The following PMEPA1 variants were observed in gnomAD, a reference collection of about 807,000 sequenced individuals.
PMEPA1 encodes protein TMEPAI.
In PMEPA1, 11 loss-of-function variants were observed where a neutral mutation model predicts 23.0. That is an observed-to-expected ratio of 0.48 (90% CI 0.30 to 0.79). PMEPA1 has a LOEUF of 0.79. PMEPA1 is among the 30% of genes least tolerant of loss of function. The pLI, the probability that PMEPA1 is intolerant of heterozygous loss-of-function variation, is 0.06. For synonymous variants in PMEPA1, 204 were observed against 166.4 expected (o/e 1.23, Z -1.74); for missense variants, 377 against 390.9 (o/e 0.96, Z 0.30).
upstream of PMEPA1, chr20:57,710,116 G>T (rs2072153013): frequency 1.2e-6 from 1 of 839,420 alleles, no homozygotes; most frequent in Non-Finnish European, 1.5e-6. Flanking sequence ...CCCCCTCCCC[G>T]AGCCGGGGGG....
intron 1 of PMEPA1, among the ~76,000 whole-genome samples, chr20:57,661,366 C>T (rs896401003): frequency 9.2e-5 from 14 of 152,188 alleles, no homozygotes; most frequent in Admixed American, 2.0e-4. Flanking sequence ...GCAGAGTGGG[C>T]ACCAGCCGGC....
chr20:57,658,094 G>A (rs1008347749), intron 2 of PMEPA1, among the ~76,000 whole-genome samples: 10 of 152,232 alleles, frequency 6.6e-5, no homozygotes, highest in African/African-American at 9.6e-5. Flanking sequence ...GGCTTCAGGC[G>A]GCCGACATGG....
intron 1 of PMEPA1, among the ~76,000 whole-genome samples, chr20:57,673,458 A>C (rs924889862): frequency 6.6e-6 from 1 of 151,328 alleles, no homozygotes; most frequent in African/African-American, 2.4e-5. Context: ...TGGTGTGGCC[A>C]CTCTGTCAGA....
At chr20:57,699,342 C>T (rs2071981487) in intron 1 of PMEPA1, among the ~76,000 whole-genome samples, 1 of 152,240 alleles carries the variant, frequency 6.6e-6, no homozygotes, top group Non-Finnish European at 1.5e-5. Context: ...TGAGCATCTA[C>T]TAGGAATTAG....
rs985708301 is a variant in PMEPA1 at position 57,652,040 on chromosome 20, C to A, written c.*13G>T. On this transcript the variant is annotated 3_prime_UTR_variant, in exon 4 of 4. Coordinates refer to ENST00000341744, the MANE Select transcript of PMEPA1 (RefSeq NM_020182.5). The surrounding 1 kb of genome is among the most constrained non-coding windows in gnomAD (Gnocchi z 6.1). ...TTCACCTACGCAGCCCCAGCCCGGC[C>A]CCCCTGGGGACCCTAGAGAGGGTGT... 20 of 1,461,188 alleles carry A rather than the reference C, an allele frequency of 1.4e-5. No individual in the cohort carries two copies. Among genetic ancestry groups the A allele is most frequent in the Non-Finnish European group, 1.6e-5 (18 of 1,102,592 alleles). The allele number at this position is 1,461,188 out of a possible 1,614,324, so 90.5% of individuals were successfully genotyped here.
intron 1 of PMEPA1, among the ~76,000 whole-genome samples, chr20:57,697,099 C>T (rs947339479): frequency 6.6e-6 from 1 of 152,142 alleles, no homozygotes. Context: ...GAAGGAACTG[C>T]CTTGGGACTC....
chr20:57,687,252 C>G (rs1386922658), intron 1 of PMEPA1, among the ~76,000 whole-genome samples: 1 of 152,246 alleles, frequency 6.6e-6, no homozygotes, highest in Non-Finnish European at 1.5e-5. Context: ...TCCAGGTGAT[C>G]TCCTGTGCCT....
rs377379857 is a variant in PMEPA1 at position 57,649,667 on chromosome 20, C to T, written c.*2386G>A. 2 of 152,214 alleles carry T rather than the reference C, an allele frequency of 1.3e-5. No homozygotes were observed. The highest frequency in any genetic ancestry group is 2.9e-5 in the Non-Finnish European group (2 of 68,052). The allele number at this position is 152,214 out of a possible 1,614,324, so 9.4% of individuals were successfully genotyped here. A position where few individuals can be genotyped will look rare whatever the true frequency, so the allele number is the denominator to read the frequency against. ...CTAGGTTTTCAGCCTAGATGGGAGT[C>T]GTGTACAAACCTTGGCAAAAAAAGG... On this transcript the variant is annotated 3_prime_UTR_variant, in exon 4 of 4. Coordinates refer to ENST00000341744, the MANE Select transcript of PMEPA1 (RefSeq NM_020182.5).
At chr20:57,670,712 G>C (rs1182977253) in intron 1 of PMEPA1, among the ~76,000 whole-genome samples, 1 of 152,220 alleles carries the variant, frequency 6.6e-6, no homozygotes, top group Non-Finnish European at 1.5e-5. Context: ...GGATTTCAGA[G>C]ATCAATGAAC....
intron 1 of PMEPA1, among the ~76,000 whole-genome samples, chr20:57,681,180 GAGGC>G (rs1197524141): frequency 6.6e-6 from 1 of 152,190 alleles, no homozygotes; most frequent in Non-Finnish European, 1.5e-5. Flanking sequence ...GGGCAGGGGT[GAGGC>G]AGGCGCCCAT....
chr20:57,658,860 A>G (rs1268664356), intron 2 of PMEPA1, among the ~76,000 whole-genome samples: 1 of 152,192 alleles, frequency 6.6e-6, no homozygotes, highest in East Asian at 1.9e-4. Context: ...GCAGGACTGC[A>G]GGCACCTTTC....
intron 1 of PMEPA1, among the ~76,000 whole-genome samples, chr20:57,674,915 C>T (rs2071615779): frequency 6.6e-6 from 1 of 152,188 alleles, no homozygotes; most frequent in South Asian, 2.1e-4. Context: ...GGACTTATAT[C>T]TGGACAGATG....
At chr20:57,675,592 G>C (rs973142075) in intron 1 of PMEPA1, among the ~76,000 whole-genome samples, 3 of 152,112 alleles carry the variant, frequency 2.0e-5, no homozygotes, top group African/African-American at 7.2e-5. Context: ...TGGGGGAGGA[G>C]GGTCTAGGAA....
rs2071232374 is a variant in PMEPA1, at chr20:57,651,782, T to C, written c.*271A>G. The stretch of plus-strand genomic sequence containing the variant: ...CTCAACTAGAAACAAGAAAGACTAC[T>C]GTAGAAATTTTTTTTCTTTTGCCTT... On this transcript the variant is annotated 3_prime_UTR_variant, in exon 4 of 4. Transcript: ENST00000341744. 2 of 311,548 alleles carry C rather than the reference T, an allele frequency of 6.4e-6. No homozygotes were observed. Among genetic ancestry groups the C allele is most frequent in the Non-Finnish European group, 5.8e-6 (1 of 172,426 alleles). 19.3% of individuals were successfully genotyped at this position (311,548 alleles called of 1,614,324 possible).
chr20:57,658,431 C>A (rs2071358021), intron 2 of PMEPA1, among the ~76,000 whole-genome samples: 1 of 152,210 alleles, frequency 6.6e-6, no homozygotes, highest in East Asian at 1.9e-4. Context: ...TCCAACTCAC[C>A]AGCAGCACCC....
Position 57,659,591 on chromosome 20 carries a change from G to A in PMEPA1, c.216C>T (p.Phe72=), listed in dbSNP as rs755878521. The A allele has an allele frequency of 1.2e-6, 2 of 1,613,850 alleles. No individual in the cohort carries two copies. Among genetic ancestry groups the A allele is most frequent in the South Asian group, 1.1e-5 (1 of 91,020 alleles). The change falls in exon 2 of 4, where the codon TTC becomes TTT. Residue 72 remains phenylalanine, a synonymous_variant. Transcript: ENST00000341744. ...LSHYKLSARS[F]ISRHSQGRRR... ...TCCGCCCCTGGCTGTGCCGGCTGAT[G>A]AAGGACCGTGCAGACAGCTTGTAGT... is the stretch of plus-strand genomic sequence containing the variant.
chr20:57,665,949 G>C (rs1386034491), intron 1 of PMEPA1, among the ~76,000 whole-genome samples: 1 of 152,218 alleles, frequency 6.6e-6, no homozygotes, highest in Non-Finnish European at 1.5e-5. Flanking sequence ...AACACAAGCC[G>C]CTGGGAAGGA....
At chr20:57,688,872 C>T (rs947776934) in intron 1 of PMEPA1, among the ~76,000 whole-genome samples, 2 of 152,126 alleles carry the variant, frequency 1.3e-5, no homozygotes, top group Admixed American at 6.5e-5. Flanking sequence ...CTCCCCTTTA[C>T]GAGGCACCCA....
chr20:57,679,917 C>T (rs1245864260), intron 1 of PMEPA1, among the ~76,000 whole-genome samples: 5 of 152,204 alleles, frequency 3.3e-5, no homozygotes, highest in Admixed American at 3.3e-4. Context: ...TGCCCAGAGA[C>T]ACAGAGCAAC....
Sources: gnomAD v4.1 joint callset for allele counts (sites outside exome capture counted in the v4.1 genomes callset) on GRCh38, gnomAD v4.1.1 for gene constraint, Gnocchi (gnomAD v3.1) non-coding constraint, MANE v1.5 for transcripts, NCBI Gene and HGNC (gene_info 2026-07-23, HGNC 2026-07-21) for gene names.